The following IRGQ variants were observed in gnomAD, a reference collection of about 807,000 sequenced individuals.
IRGQ encodes the protein immunity related GTPase Q, also known as immunity-related GTPase family Q protein.
In IRGQ, 5 loss-of-function variants were observed where a neutral mutation model predicts 10.5. The ratio of observed to expected loss-of-function variants is 0.48; its 90% CI spans 0.25 to 1.00. IRGQ has a LOEUF of 1.00. IRGQ is among the 50% of genes least tolerant of loss of function. The probability of loss-of-function intolerance (pLI) is 0.16; values close to 1 mark genes in which losing one functional copy is unlikely to be tolerated. For missense variants in IRGQ, 792 were observed against 877.7 expected, an observed-to-expected ratio of 0.90 and a Z score of 1.23; for synonymous variants, 418 against 426.0, an observed-to-expected ratio of 0.98 and a Z score of 0.23.
rs1055342489 is a variant in IRGQ, at chr19:43,586,277, C to T, written c.*5749G>A. ...TTAGTCTTTTCTGCTTGGATGCTCC[C>T]AGGGACAGATGCCTGCCAACAACCT... On this transcript the variant is annotated 3_prime_UTR_variant, in exon 3 of 3. Transcript: ENST00000422989. 6.6e-6 allele frequency: 1 copy of T among 152,136 alleles called. No individual in the cohort carries two copies. The highest frequency in any genetic ancestry group is 1.5e-5 in the Non-Finnish European group (1 of 68,042). The allele number at this position is 152,136 out of a possible 1,614,324, so 9.4% of individuals were successfully genotyped here.
At position 43,588,010 on chromosome 19, in the gene IRGQ, T is replaced by G. The variant is rs901488896; in HGVS notation, c.*4016A>C. 2 of 152,152 alleles carry G rather than the reference T, an allele frequency of 1.3e-5. No individual in the cohort carries two copies. Among genetic ancestry groups the G allele is most frequent in the Non-Finnish European group, 2.9e-5 (2 of 68,038 alleles). The allele number at this position is 152,152 out of a possible 1,614,324, so 9.4% of individuals were successfully genotyped here. On this transcript the variant is annotated 3_prime_UTR_variant, in exon 3 of 3. Coordinates refer to ENST00000422989, the MANE Select transcript of IRGQ (RefSeq NM_001007561.3). ...ATGAATTTAACCTGTTTCCTTTTAC[T>G]TGTCTAATGTGGCTATTAGAAAACT...
At chr19:43,594,183 A>AGG (rs1973097482) in intron 2 of IRGQ, among the ~76,000 whole-genome samples, 1 of 152,148 alleles carries the variant, frequency 6.6e-6, no homozygotes, top group African/African-American at 2.4e-5. Flanking sequence ...AAAATCTTCC[A>AGG]GGGGGCTGGG....
Position 43,589,608 on chromosome 19 carries a change from G to A in IRGQ, c.*2418C>T, listed in dbSNP as rs997536735. The A allele has an allele frequency of 6.6e-5, 10 of 152,162 alleles. No homozygotes were observed. Among genetic ancestry groups the A allele is most frequent in the African/African-American group, 1.7e-4 (7 of 41,424 alleles). 9.4% of individuals were successfully genotyped at this position (152,162 alleles called of 1,614,324 possible). ...AATAATAATAATAATAAATATTTAC[G>A]AAGCACCTATTGTGTCAGGCACCTA... On this transcript the variant is annotated 3_prime_UTR_variant, in exon 3 of 3. Coordinates refer to ENST00000422989, the MANE Select transcript of IRGQ (RefSeq NM_001007561.3).
At position 43,592,001 on chromosome 19, in the gene IRGQ, G is replaced by A. The variant is rs1211803574; in HGVS notation, c.*25C>T. The A allele has an allele frequency of 5.8e-6, 9 of 1,550,952 alleles. No individual in the cohort carries two copies. The highest frequency in any genetic ancestry group is 1.7e-4 in the Middle Eastern group (1 of 5,778). On this transcript the variant is annotated 3_prime_UTR_variant, in exon 3 of 3. Coordinates refer to ENST00000422989, the MANE Select transcript of IRGQ (RefSeq NM_001007561.3). ...GCCCAGGCATCCCCTGTCAGAGTCT[G>A]GACTCCCAAGCCCCCTCCCACTCCT...
Position 43,587,735 on chromosome 19 carries a change from A to G in IRGQ, c.*4291T>C, listed in dbSNP as rs1443959628. On this transcript the variant is annotated 3_prime_UTR_variant, in exon 3 of 3. Transcript: ENST00000422989. Reference sequence around the variant, plus strand: ...AGCCTGGCCAACATGGCGAAACCCCATCTCTAACCAAAAATACAAAAATTA... The same window carrying G: ...AGCCTGGCCAACATGGCGAAACCCCGTCTCTAACCAAAAATACAAAAATTA... The G allele has an allele frequency of 6.6e-6, 1 of 151,902 alleles. No individual in the cohort carries two copies. The highest frequency in any genetic ancestry group is 2.4e-5 in the African/African-American group (1 of 41,368). 9.4% of individuals were successfully genotyped at this position (151,902 alleles called of 1,614,324 possible).
intron 2 of IRGQ, 84 bp downstream of exon 2, chr19:43,594,725 G>A (rs1056851804): frequency 2.5e-6 from 3 of 1,191,726 alleles, no homozygotes; most frequent in African/African-American, 3.1e-5. Context: ...AACTCACTGG[G>A]GGAGGGATCT....
rs1339916757 is a variant in IRGQ at position 43,587,447 on chromosome 19, T to C, written c.*4579A>G. The C allele has an allele frequency of 1.3e-5, 2 of 152,228 alleles. No individual in the cohort carries two copies. Among genetic ancestry groups the C allele is most frequent in the African/African-American group, 4.8e-5 (2 of 41,448 alleles). The allele number at this position is 152,228 out of a possible 1,614,324, so 9.4% of individuals were successfully genotyped here. A position where few individuals can be genotyped will look rare whatever the true frequency, so the allele number is the denominator to read the frequency against. ...AAAACTATTATATAATTGGAACAAC[T>C]TGGATATGTGAATCTACTTCTCCAA... is the stretch of plus-strand genomic sequence containing the variant. On this transcript the variant is annotated 3_prime_UTR_variant, in exon 3 of 3. Coordinates refer to ENST00000422989, the MANE Select transcript of IRGQ (RefSeq NM_001007561.3).
In IRGQ at chr19:43,592,994, G is replaced by A. The variant is rs1973082214; in HGVS notation, c.904C>T (p.Leu302Phe). 1 of 1,608,696 alleles carries A rather than the reference G, an allele frequency of 6.2e-7. No individual in the cohort carries two copies. The highest frequency in any genetic ancestry group is 2.2e-5 in the East Asian group (1 of 44,856). ...SHPTHYDALI[L>F]VTPGAPTEKD... The stretch of plus-strand genomic sequence containing the variant: ...TCAGTGGGGGCCCCAGGGGTGACGA[G>A]GATGAGGGCGTCGTAGTGCGTTGGG... The change falls in exon 3 of 3, where the codon CTC becomes TTC. Residue 302 changes from leucine (L) to phenylalanine (F), a missense_variant. Transcript: ENST00000422989.
At position 43,593,985 on chromosome 19, in the gene IRGQ, GA is replaced by G. The variant is rs1973095054; in HGVS notation, c.531-619del. ...AGCCTCGTTTTAAAGTCTTTAAAAT[GA>G]GGAGGCTGGCAGGTGGTAGAGCAAA... On this transcript the variant is annotated intron_variant, in intron 2 of 2. Coordinates refer to ENST00000422989, the MANE Select transcript of IRGQ (RefSeq NM_001007561.3). The surrounding 1 kb of genome is among the most constrained non-coding windows in gnomAD (Gnocchi z 6.4). Among the ~76,000 whole-genome samples, 1 of 152,224 alleles carries G rather than the reference GA, an allele frequency of 6.6e-6. No individual in the cohort carries two copies. Among genetic ancestry groups the G allele is most frequent in the African/African-American group, 2.4e-5 (1 of 41,458 alleles).
chr19:43,593,096 C>A lies in IRGQ; in HGVS notation c.802G>T (p.Glu268Ter). ...GTCCAGAGCACCACATTCGGGCGCT[C>A]TGGGGCTGGGAAGGGAGTGGGTGCT... is the stretch of plus-strand genomic sequence containing the variant. ...PTAPTPFPAP[E>*]RPNVVLWTVP... The change falls in exon 3 of 3, where the codon GAG becomes TAG. Residue 268 changes from glutamate to a stop codon, truncating the protein, a stop_gained. Coordinates refer to ENST00000422989, the MANE Select transcript of IRGQ (RefSeq NM_001007561.3). LOFTEE classifies it low-confidence loss of function (END_TRUNC). The surrounding 1 kb of genome is among the most constrained non-coding windows in gnomAD (Gnocchi z 6.4). 6.3e-7 allele frequency: 1 copy of A among 1,585,548 alleles called. No homozygotes were observed. Among genetic ancestry groups the A allele is most frequent in the Non-Finnish European group, 8.6e-7 (1 of 1,161,536 alleles).
In IRGQ at chr19:43,585,756, C is replaced by T. The variant is rs1179670644; in HGVS notation, c.*6270G>A. On this transcript the variant is annotated 3_prime_UTR_variant, in exon 3 of 3. Coordinates refer to ENST00000422989, the MANE Select transcript of IRGQ (RefSeq NM_001007561.3). ...AATGTTTAAACAGTAAGTCTGCCCG[C>T]ACTCCTTCCAGGGTGGAAAAACTCA... 1 of 152,140 alleles carries T rather than the reference C, an allele frequency of 6.6e-6. No homozygotes were observed. Among genetic ancestry groups the T allele is most frequent in the Non-Finnish European group, 1.5e-5 (1 of 68,026 alleles). The allele number at this position is 152,140 out of a possible 1,614,324, so 9.4% of individuals were successfully genotyped here.
At position 43,595,328 on chromosome 19, in the gene IRGQ, G is replaced by A. The variant is rs1451650276; in HGVS notation, c.11C>T (p.Pro4Leu). The A allele has an allele frequency of 6.4e-7, 1 of 1,552,476 alleles. No homozygotes were observed. The highest frequency in any genetic ancestry group is 2.3e-5 in the East Asian group (1 of 44,152). MPPPQGDVTALFLG... is the reference protein window; with the variant it reads MPPLQGDVTALFLG... ...GAACAAGGCGGTCACGTCACCCTGC[G>A]GCGGAGGCATGGCTGGAAAGCAACG... Residue 4 changes from proline (P) to leucine (L), a missense_variant, in exon 2 of 3, where the codon CCG becomes CTG. Pro to Leu is a moderately conservative substitution (Grantham distance 98, BLOSUM62 -3). Coordinates refer to ENST00000422989, the MANE Select transcript of IRGQ (RefSeq NM_001007561.3).
In IRGQ at chr19:43,593,292, C is replaced by T; in HGVS notation, c.606G>A (p.Glu202=). The T allele has an allele frequency of 6.3e-7, 1 of 1,588,236 alleles. No homozygotes were observed. Among genetic ancestry groups the T allele is most frequent in the Non-Finnish European group, 8.6e-7 (1 of 1,166,444 alleles). ...AELEAVREAF[E]TGGLEAALSW... Reference sequence around the variant, plus strand: ...ACAGCGCAGCCTCAAGGCCGCCGGTCTCAAAGGCCTCACGCACAGCCTCTA... The same window carrying T: ...ACAGCGCAGCCTCAAGGCCGCCGGTTTCAAAGGCCTCACGCACAGCCTCTA... The change falls in exon 3 of 3, where the codon GAG becomes GAA. Residue 202 remains glutamate, a synonymous_variant. Coordinates refer to ENST00000422989, the MANE Select transcript of IRGQ (RefSeq NM_001007561.3). The surrounding 1 kb of genome is among the most constrained non-coding windows in gnomAD (Gnocchi z 6.4).
Position 43,593,397 on chromosome 19 carries a change from G to C in IRGQ, c.531-30C>G. The C allele has an allele frequency of 1.3e-6, 2 of 1,487,236 alleles. No homozygotes were observed. Among genetic ancestry groups the C allele is most frequent in the South Asian group, 1.4e-5 (1 of 69,140 alleles). The allele number at this position is 1,487,236 out of a possible 1,614,324, so 92.1% of individuals were successfully genotyped here. ...GGGGACAAGAAGGGACAGGGTCAAA[G>C]GTAGAAGAGGGGCTGGGTGACATGG... On this transcript the variant is annotated intron_variant, in intron 2 of 2. Transcript: ENST00000422989. This position sits in a 1 kb window ranked among gnomAD's most constrained non-coding sequence, Gnocchi z 6.4.
rs138768669 is a variant in IRGQ, at chr19:43,593,100, G to C, written c.798C>G (p.Ala266=). The change falls in exon 3 of 3, where the codon GCC becomes GCG. Residue 266 remains alanine, a synonymous_variant. Transcript: ENST00000422989. The surrounding 1 kb of genome is among the most constrained non-coding windows in gnomAD (Gnocchi z 6.4). ...AGAGCACCACATTCGGGCGCTCTGGGGCTGGGAAGGGAGTGGGTGCTGTGG... is the reference window on the plus strand; with the variant it reads ...AGAGCACCACATTCGGGCGCTCTGGCGCTGGGAAGGGAGTGGGTGCTGTGG... ...SVPTAPTPFP[A]PERPNVVLWT... 6 of 1,582,758 alleles carry C rather than the reference G, an allele frequency of 3.8e-6. No homozygotes were observed. The African/African-American group carries it at 8.1e-5, about 21-fold the overall frequency.
In IRGQ at chr19:43,592,889, C is replaced by T; in HGVS notation, c.1009G>A (p.Asp337Asn). 6.2e-7 allele frequency: 1 copy of T among 1,613,424 alleles called. No homozygotes were observed. Among genetic ancestry groups the T allele is most frequent in the Non-Finnish European group, 8.5e-7 (1 of 1,180,024 alleles). The change falls in exon 3 of 3, where the codon GAT becomes AAT. Residue 337 changes from aspartate (D) to asparagine (N), a missense_variant. Physicochemically the swap from Asp to Asn is conservative, Grantham distance 23. Transcript: ENST00000422989. Reference protein sequence around the residue: ...VCVRTDGEGEDPECLGEGKME... With the variant: ...VCVRTDGEGENPECLGEGKME... ...TTGCCTTCTCCCAGACACTCCGGAT[C>T]CTCGCCCTCGCCGTCTGTGCGCACG...
In IRGQ at chr19:43,595,540, C is replaced by T. The variant is rs114516682; in HGVS notation, c.-2-200G>A. On this transcript the variant is annotated intron_variant, in intron 1 of 2. Coordinates refer to ENST00000422989, the MANE Select transcript of IRGQ (RefSeq NM_001007561.3). Reference sequence around the variant, plus strand: ...CAGGCGTCCTGTCTGTCCGCCCTCCCTCTAGATGGAAACGTTTCCCTTTCT... The same window carrying T: ...CAGGCGTCCTGTCTGTCCGCCCTCCTTCTAGATGGAAACGTTTCCCTTTCT... 1,543 of 422,418 alleles carry T rather than the reference C, an allele frequency of 3.7e-3. 16 individuals are homozygous for T. Among genetic ancestry groups the T allele is most frequent in the African/African-American group, 0.029 (1,399 of 48,922 alleles). 26.2% of individuals were successfully genotyped at this position (422,418 alleles called of 1,614,324 possible). A position where few individuals can be genotyped will look rare whatever the true frequency, so the allele number is the denominator to read the frequency against.
rs562732116 is a variant in IRGQ, at chr19:43,590,597, T to C, written c.*1429A>G. On this transcript the variant is annotated 3_prime_UTR_variant, in exon 3 of 3. Transcript: ENST00000422989. Reference sequence around the variant, plus strand: ...TATGTACATCAGAAAGCAGAGCCTCTTGGGGATACCCGAGGTGTCCATACA... The same window carrying C: ...TATGTACATCAGAAAGCAGAGCCTCCTGGGGATACCCGAGGTGTCCATACA... 6 of 152,216 alleles carry C rather than the reference T, an allele frequency of 3.9e-5. No homozygotes were observed. The highest frequency in any genetic ancestry group is 6.6e-5 in the Admixed American group (1 of 15,266). 9.4% of individuals were successfully genotyped at this position (152,216 alleles called of 1,614,324 possible).
In IRGQ at chr19:43,592,724, C is replaced by G. The variant is rs1973077353; in HGVS notation, c.1174G>C (p.Glu392Gln). 2.5e-6 allele frequency: 4 copies of G among 1,611,036 alleles called. No individual in the cohort carries two copies. Among genetic ancestry groups the G allele is most frequent in the Non-Finnish European group, 3.4e-6 (4 of 1,179,952 alleles). The change falls in exon 3 of 3, where the codon GAG becomes CAG. Residue 392 changes from glutamate to glutamine, a missense_variant. By Grantham distance (29) the Glu-to-Gln change is conservative (BLOSUM62 2). Coordinates refer to ENST00000422989, the MANE Select transcript of IRGQ (RefSeq NM_001007561.3). ...SGEGPGKAGS[E>Q]GLQQVVGMKK... ...ATGCCGACAACCTGCTGCAAACCCT[C>G]GCTGCCAGCTTTCCCAGGACCTTCC...
Sources: gnomAD v4.1 joint callset for allele counts (sites outside exome capture counted in the v4.1 genomes callset) on GRCh38, gnomAD v4.1.1 for gene constraint, Gnocchi (gnomAD v3.1) non-coding constraint, MANE v1.5 for transcripts, NCBI Gene and HGNC (gene_info 2026-07-23, HGNC 2026-07-21) for gene names.